Variants in SFI1 observed in about 807,000 individuals in gnomAD.
SFI1 encodes protein SFI1 homolog.
In SFI1, 195 loss-of-function variants were observed where a neutral mutation model predicts 207.5. The ratio of observed to expected loss-of-function variants is 0.94; its 90% confidence interval spans 0.84 to 1.06. The LOEUF (loss-of-function observed/expected upper bound fraction) is 1.06. Among genes scored for constraint, SFI1 ranks in the 50% least tolerant of loss-of-function variants. The pLI is 0.00. For synonymous variants in SFI1, 630 were observed against 598.9 expected (o/e 1.05, Z -0.76); for missense variants, 1,634 against 1,588.0 (o/e 1.03, Z -0.49).
In SFI1 at chr22:31,611,758, TC is replaced by T; in HGVS notation, c.2416-3del. The T allele has an allele frequency of 6.2e-7, 1 of 1,612,334 alleles. No individual in the cohort carries two copies. The highest frequency in any genetic ancestry group is 1.1e-5 in the South Asian group (1 of 90,996). ...GACGCCACTCTCTGTGCACTTGCTC[TC>T]CCCCAGCTCCTGCACAGGCAGAGCA... On this transcript the variant is annotated splice_polypyrimidine_tract_variant and splice_region_variant and intron_variant, in intron 23 of 32. Transcript: ENST00000400288.
intron 1 of SFI1, among the ~76,000 whole-genome samples, chr22:31,506,392 TAC>T (rs1057395799): frequency 6.6e-6 from 1 of 152,036 alleles, no homozygotes; most frequent in Admixed American, 6.6e-5. Context: ...AAATGAAAAC[TAC>T]ACACAGTAAC....
At chr22:31,581,144 C>A (rs1482599587) in intron 12 of SFI1, among the ~76,000 whole-genome samples, 1 of 151,540 alleles carries the variant, frequency 6.6e-6, no homozygotes, top group Non-Finnish European at 1.5e-5. Flanking sequence ...CCACACCCAG[C>A]TAATTTTTGT....
chr22:31,561,678 A>G (rs2061716058), intron 8 of SFI1, among the ~76,000 whole-genome samples: 1 of 152,242 alleles, frequency 6.6e-6, no homozygotes, highest in African/African-American at 2.4e-5. Context: ...AAACAGCAGT[A>G]TACTCTGATT....
At chr22:31,612,398 A>AAAAAAAAATATATATATAT (rs1556369798) in intron 24 of SFI1, 1 of 60,194 alleles carries the variant, frequency 1.7e-5, no homozygotes, top group African/African-American at 6.7e-5. Flanking sequence ...AAAAAAAAAA[A>AAAAAAAAATATATATATAT]ATATATATAT....
At chr22:31,550,079 G>A (rs1277243725) in intron 5 of SFI1, among the ~76,000 whole-genome samples, 175 bp from the exon 6 acceptor site, 2 of 151,960 alleles carry the variant, frequency 1.3e-5, no homozygotes, top group Non-Finnish European at 2.9e-5. Flanking sequence ...TTATAGACGT[G>A]TGCCACCACA....
intron 29 of SFI1, 139 bp downstream of exon 29, chr22:31,615,418 T>TCCA: frequency 1.4e-6 from 1 of 736,656 alleles, no homozygotes; most frequent in South Asian, 2.9e-5. Flanking sequence ...CAAGCATAGG[T>TCCA]AGCCACTGCA....
chr22:31,616,296 A>T (rs4820054), intron 29 of SFI1: 8 of 157,406 alleles, frequency 5.1e-5, no homozygotes, highest in African/African-American at 1.4e-4. Flanking sequence ...AAGGGTTTTG[A>T]CCCCTGTCCG....
chr22:31,578,484 T>C (rs1278887307), intron 11 of SFI1, 32 bp downstream of exon 11: 1 of 1,599,606 alleles, frequency 6.3e-7, no homozygotes, highest in South Asian at 1.1e-5. Flanking sequence ...ACGGGTCCGC[T>C]TGGCAGCCTT....
intron 6 of SFI1, among the ~76,000 whole-genome samples, chr22:31,556,195 T>C (rs1030057997): frequency 2.6e-5 from 4 of 151,948 alleles, no homozygotes; most frequent in Non-Finnish European, 5.9e-5. Context: ...AAACTTTAAA[T>C]ATCTATACAA....
intron 23 of SFI1, among the ~76,000 whole-genome samples, chr22:31,611,549 G>A (rs2070144364): frequency 6.6e-6 from 1 of 152,208 alleles, no homozygotes; most frequent in African/African-American, 2.4e-5. Context: ...GGAAAAACCC[G>A]GTTCATGCTG....
Position 31,496,546 on chromosome 22 carries a change from T to C in SFI1, c.-122T>C, listed in dbSNP as rs2052673489. Reference sequence around the variant, plus strand: ...GGCGCGCGAAGCGCTGAGGCGGGCGTGGACCGCGCGGGAGTTAAGAAGCAG... The same window carrying C: ...GGCGCGCGAAGCGCTGAGGCGGGCGCGGACCGCGCGGGAGTTAAGAAGCAG... On this transcript the variant is annotated 5_prime_UTR_variant, in exon 1 of 33. Transcript: ENST00000400288. 6.6e-6 allele frequency: 1 copy of C among 152,090 alleles called. No individual in the cohort carries two copies. The highest frequency in any genetic ancestry group is 6.5e-5 in the Admixed American group (1 of 15,284). The allele number at this position is 152,090 out of a possible 1,614,324, so 9.4% of individuals were successfully genotyped here.
At chr22:31,517,775 A>G (rs1278114837) in intron 2 of SFI1, among the ~76,000 whole-genome samples, 3 of 152,126 alleles carry the variant, frequency 2.0e-5, no homozygotes, top group African/African-American at 7.2e-5. Flanking sequence ...TCTCTTGGCT[A>G]TGTACCTTGT....
chr22:31,568,155 CTATATA>C (rs138581578), intron 8 of SFI1, among the ~76,000 whole-genome samples: 18 of 137,832 alleles, frequency 1.3e-4, no homozygotes, highest in East Asian at 4.6e-4. Flanking sequence ...CTCTCTCTCT[CTATATA>C]TATATGTGTG....
chr22:31,572,490 T>C (rs1000194623), intron 8 of SFI1, among the ~76,000 whole-genome samples: 1 of 152,094 alleles, frequency 6.6e-6, no homozygotes, highest in Non-Finnish European at 1.5e-5. Flanking sequence ...GGATTGTTTC[T>C]GCTCCTTGTC....
At chr22:31,523,280 G>T (rs939207315) in intron 2 of SFI1, among the ~76,000 whole-genome samples, 1 of 152,046 alleles carries the variant, frequency 6.6e-6, no homozygotes, top group African/African-American at 2.4e-5. Flanking sequence ...TGTACAGATT[G>T]TCTTGTTAAG....
intron 15 of SFI1, among the ~76,000 whole-genome samples, chr22:31,599,463 A>G (rs2067752518): frequency 6.6e-6 from 1 of 151,980 alleles, no homozygotes; most frequent in African/African-American, 2.4e-5. Context: ...AGTAGCTGGG[A>G]CTATAGGCAC....
intron 2 of SFI1, among the ~76,000 whole-genome samples, chr22:31,512,692 AT>A (rs36123367): frequency 0.23 from 32,840 of 141,406 alleles, 4,591 homozygotes; most frequent in East Asian, 0.45. Flanking sequence ...TAATATTTGT[AT>A]TTTTTTTTTT....
chr22:31,570,086 C>T (rs775516904), intron 8 of SFI1, among the ~76,000 whole-genome samples: 1 of 151,508 alleles, frequency 6.6e-6, no homozygotes, highest in Non-Finnish European at 1.5e-5. Flanking sequence ...CATTGCACTT[C>T]AGTCTGGCAG....
chr22:31,520,702 C>T (rs1429369308), intron 2 of SFI1, among the ~76,000 whole-genome samples: 1 of 151,804 alleles, frequency 6.6e-6, no homozygotes, highest in East Asian at 1.9e-4. Context: ...AATCAAAATC[C>T]ACTACTTCCA....
Sources: allele counts gnomAD v4.1 joint callset (sites outside exome capture counted in the v4.1 genomes callset), GRCh38; gene constraint gnomAD v4.1.1; transcripts MANE v1.5; gene names NCBI Gene and HGNC (gene_info 2026-07-23, HGNC 2026-07-21).